Variants in PRKG1 observed in about 807,000 individuals in gnomAD.
PRKG1 encodes cGMP-dependent protein kinase 1.
PRKG1 carries 35 observed loss-of-function variants against 88.1 expected under a neutral mutation model. The ratio of observed to expected loss-of-function variants is 0.40; its 90% CI spans 0.30 to 0.53. The LOEUF (loss-of-function observed/expected upper bound fraction) is 0.53. Among genes scored for constraint, PRKG1 ranks in the 20% least tolerant of loss-of-function variants. The pLI is 0.59. For synonymous variants in PRKG1, 303 were observed against 292.5 expected (o/e 1.04, Z -0.37); for missense variants, 540 against 839.8 (o/e 0.64, Z 4.41).
intron 3 of PRKG1, among the ~76,000 whole-genome samples, chr10:51,610,368 A>G (rs183317552): frequency 2.0e-5 from 3 of 152,252 alleles, no homozygotes; most frequent in Admixed American, 6.5e-5. Flanking sequence ...GTTCCAACAT[A>G]TATGTGAGAA....
At chr10:51,814,532 T>C (rs1839537733) in intron 4 of PRKG1, among the ~76,000 whole-genome samples, 1 of 152,156 alleles carries the variant, frequency 6.6e-6, no homozygotes, top group South Asian at 2.1e-4. Flanking sequence ...TTGTGAAACC[T>C]GCATTAGAAT....
At chr10:51,720,088 C>A (rs907132043) in intron 3 of PRKG1, among the ~76,000 whole-genome samples, 3 of 151,798 alleles carry the variant, frequency 2.0e-5, no homozygotes, top group Non-Finnish European at 2.9e-5. Context: ...GAGAGAGGGG[C>A]GGGAAAAGAG....
At chr10:51,501,790 CTTTTTT>C (rs5784871) in intron 3 of PRKG1, among the ~76,000 whole-genome samples, 23 of 113,772 alleles carry the variant, frequency 2.0e-4, no homozygotes, top group East Asian at 1.6e-3. Flanking sequence ...ACTTTAGTTT[CTTTTTT>C]TTTTTTTTTT....
chr10:51,336,610 T>C (rs1014848705), intron 2 of PRKG1, among the ~76,000 whole-genome samples: 29 of 152,270 alleles, frequency 1.9e-4, no homozygotes, highest in African/African-American at 6.5e-4. Flanking sequence ...ATCCCAGTTA[T>C]ACCTGGCATA....
chr10:51,852,213 G>A (rs113243385), intron 4 of PRKG1, among the ~76,000 whole-genome samples: 3,553 of 143,270 alleles, frequency 0.025, 134 homozygotes, highest in African/African-American at 0.079. Context: ...TTTTATATGT[G>A]TATATATATA....
chr10:51,656,204 T>C (rs1205970434), intron 3 of PRKG1, among the ~76,000 whole-genome samples: 1 of 152,226 alleles, frequency 6.6e-6, no homozygotes, highest in Non-Finnish European at 1.5e-5. Context: ...CTAAATGTTC[T>C]TGTTAAGTGA....
chr10:51,812,267 G>GT (rs1564656911), intron 4 of PRKG1, among the ~76,000 whole-genome samples: 2 of 152,156 alleles, frequency 1.3e-5, no homozygotes, highest in African/African-American at 2.4e-5. Context: ...TTGTGGAAGT[G>GT]TTTTTTCTGC....
intron 1 of PRKG1, among the ~76,000 whole-genome samples, chr10:51,056,363 G>A (rs1039135019): frequency 6.7e-5 from 8 of 119,118 alleles, no homozygotes; most frequent in African/African-American, 2.2e-4. Flanking sequence ...GTTGTACCTG[G>A]TTACACAGGA....
At chr10:51,772,285 G>T (rs1239664226) in intron 3 of PRKG1, among the ~76,000 whole-genome samples, 1 of 152,008 alleles carries the variant, frequency 6.6e-6, no homozygotes, top group Non-Finnish European at 1.5e-5. Flanking sequence ...TTATTCTGAA[G>T]AAATAAGTGT....
intron 1 of PRKG1, among the ~76,000 whole-genome samples, chr10:51,027,587 T>G (rs1589113419): frequency 6.6e-6 from 1 of 152,220 alleles, no homozygotes; most frequent in African/African-American, 2.4e-5. Context: ...ATGATCACAT[T>G]GAGAACATTA....
chr10:51,017,818 G>A (rs1843088395), intron 1 of PRKG1, among the ~76,000 whole-genome samples: 1 of 151,106 alleles, frequency 6.6e-6, no homozygotes, highest in Non-Finnish European at 1.5e-5. Context: ...TAATTTTTTT[G>A]ATACAGGGTC....
intron 3 of PRKG1, among the ~76,000 whole-genome samples, chr10:51,656,190 G>A (rs1840156060): frequency 6.6e-6 from 1 of 152,154 alleles, no homozygotes; most frequent in African/African-American, 2.4e-5. Flanking sequence ...CTTATGAGAT[G>A]TAACTAAATG....
At chr10:51,398,081 A>C (rs1837628904) in intron 2 of PRKG1, among the ~76,000 whole-genome samples, 1 of 152,136 alleles carries the variant, frequency 6.6e-6, no homozygotes, top group African/African-American at 2.4e-5. Flanking sequence ...CATTTTGTGC[A>C]TCTTTAAGGT....
chr10:51,226,652 T>G (rs1838700854), intron 2 of PRKG1, among the ~76,000 whole-genome samples: 1 of 152,110 alleles, frequency 6.6e-6, no homozygotes, highest in African/African-American at 2.4e-5. Flanking sequence ...TATTAGAAAC[T>G]AGGAGGGTTA....
intron 1 of PRKG1, among the ~76,000 whole-genome samples, chr10:51,117,615 A>G (rs906437659): frequency 6.6e-6 from 1 of 152,228 alleles, no homozygotes; most frequent in Admixed American, 6.5e-5. Context: ...TGTAATTTCC[A>G]CAACAATTAG....
At chr10:51,145,128 G>C (rs1845912606) in intron 1 of PRKG1, among the ~76,000 whole-genome samples, 1 of 152,160 alleles carries the variant, frequency 6.6e-6, no homozygotes, top group Non-Finnish European at 1.5e-5. Context: ...GGTGGTGTGA[G>C]TTGCTGGGTT....
intron 4 of PRKG1, among the ~76,000 whole-genome samples, chr10:51,851,660 T>A (rs1269940577): frequency 6.6e-6 from 1 of 152,260 alleles, no homozygotes; most frequent in Non-Finnish European, 1.5e-5. Flanking sequence ...CAGCAGTTTT[T>A]CTTCATTCTC....
intron 4 of PRKG1, among the ~76,000 whole-genome samples, chr10:51,899,907 T>C (rs1204036988): frequency 6.6e-6 from 1 of 151,830 alleles, no homozygotes; most frequent in Non-Finnish European, 1.5e-5. Context: ...TCTCACTCTA[T>C]TAATTCTCAT....
At chr10:51,948,856 G>A (rs1255502579) in intron 5 of PRKG1, among the ~76,000 whole-genome samples, 1 of 152,248 alleles carries the variant, frequency 6.6e-6, no homozygotes, top group Middle Eastern at 3.4e-3. Flanking sequence ...TCTTTTCAAA[G>A]TGAATTATAG....
Sources: gnomAD v4.1 joint callset for allele counts (sites outside exome capture counted in the v4.1 genomes callset) on GRCh38, gnomAD v4.1.1 for gene constraint, MANE v1.5 for transcripts, NCBI Gene and HGNC (gene_info 2026-07-23, HGNC 2026-07-21) for gene names.